CTNNA3: variants seen among roughly 807,000 people sequenced by gnomAD.
CTNNA3 encodes catenin alpha 3, also known as catenin alpha-3.
CTNNA3 carries 76 observed loss-of-function variants against 95.7 expected under a neutral mutation model. That is an observed-to-expected ratio of 0.79 (90% CI 0.66 to 0.96). CTNNA3 has a LOEUF of 0.96. Ranked by LOEUF, CTNNA3 falls within the 40% of genes least tolerant of loss-of-function variation. The probability of loss-of-function intolerance (pLI) is 0.00; values close to 1 mark genes in which losing one functional copy is unlikely to be tolerated. For synonymous variants in CTNNA3, 431 were observed against 374.4 expected, an observed-to-expected ratio of 1.15 and a Z score of -1.74; for missense variants, 1,191 against 1,089.8, an observed-to-expected ratio of 1.09 and a Z score of -1.31.
chr10:67,423,556 A>T (rs929143873), intron 5 of CTNNA3, among the ~76,000 whole-genome samples: 13 of 152,170 alleles, frequency 8.5e-5, no homozygotes, highest in Non-Finnish European at 1.5e-4. Flanking sequence ...ATTCAAAAAG[A>T]TAGACACTAA....
intron 7 of CTNNA3, among the ~76,000 whole-genome samples, chr10:67,002,607 C>T (rs1291264846): frequency 6.6e-6 from 1 of 152,254 alleles, no homozygotes; most frequent in Middle Eastern, 3.4e-3. Context: ...TAAATTATCT[C>T]AGAGCTGTGT....
intron 11 of CTNNA3, among the ~76,000 whole-genome samples, chr10:66,385,492 A>T (rs1053677477): frequency 6.6e-6 from 1 of 152,214 alleles, no homozygotes; most frequent in Non-Finnish European, 1.5e-5. Flanking sequence ...AAGGATTCAC[A>T]GCCAAATTCT....
chr10:66,413,524 CTT>C (rs1453145589), intron 11 of CTNNA3, among the ~76,000 whole-genome samples: 1 of 152,116 alleles, frequency 6.6e-6, no homozygotes, highest in Non-Finnish European at 1.5e-5. Context: ...AATTAGCTCT[CTT>C]AATATTTTGT....
rs73307038 is a variant in CTNNA3 at position 66,763,286 on chromosome 10, C to T, written c.1281+2978G>A. Among the ~76,000 whole-genome samples the T allele has an allele frequency of 8.5e-3, 1,270 of 148,850 alleles. 19 individuals carry two copies. Among genetic ancestry groups the T allele is most frequent in the African/African-American group, 0.03 (1,193 of 40,440 alleles). On this transcript the variant is annotated intron_variant, in intron 9 of 17. Coordinates refer to ENST00000433211, the MANE Select transcript of CTNNA3 (RefSeq NM_013266.4). ...ATTTTTCTGGGAGATAAATGCAGTA[C>T]TTTTTCTTCTTCATGAGATAAACAC...
intron 13 of CTNNA3, among the ~76,000 whole-genome samples, chr10:66,229,548 T>C (rs2089481785): frequency 6.6e-6 from 1 of 152,160 alleles, no homozygotes. Context: ...GAATATATCA[T>C]CCTATTCTCT....
At chr10:67,079,772 C>T (rs1856949189) in intron 7 of CTNNA3, among the ~76,000 whole-genome samples, 2 of 151,880 alleles carry the variant, frequency 1.3e-5, no homozygotes, top group East Asian at 1.9e-4. Context: ...CTCTTGAACC[C>T]GGGAGGCGGA....
Position 66,018,142 on chromosome 10 carries a change from GA to G in CTNNA3, c.2160-29346del, listed in dbSNP as rs2079129802. On this transcript the variant is annotated intron_variant, in intron 15 of 17. Transcript: ENST00000433211. ...AAAAGATATACATACCCATAGCCAT[GA>G]GGCGCAAGTGCATATCTAGTTCTAT... Among the ~76,000 whole-genome samples the G allele has an allele frequency of 4.0e-5, 6 of 148,952 alleles. No individual in the cohort carries two copies. The South Asian group carries it at 1.3e-3, about 32-fold the overall frequency.
chr10:66,115,816 C>T (rs1179442431), intron 13 of CTNNA3, among the ~76,000 whole-genome samples: 4 of 151,854 alleles, frequency 2.6e-5, no homozygotes, highest in African/African-American at 9.7e-5. Context: ...AGCAGGACGG[C>T]CAAAACTGAC....
At chr10:66,909,167 T>G (rs1478330691) in intron 7 of CTNNA3, among the ~76,000 whole-genome samples, 1 of 152,056 alleles carries the variant, frequency 6.6e-6, no homozygotes, top group Non-Finnish European at 1.5e-5. Flanking sequence ...TAAGGAATTG[T>G]CCCCAAATTG....
At chr10:66,863,180 T>TACACACACACAC (rs71035194) in intron 7 of CTNNA3, among the ~76,000 whole-genome samples, 20 of 147,884 alleles carry the variant, frequency 1.4e-4, no homozygotes, top group Non-Finnish European at 2.5e-4. Context: ...GCCAATTCTT[T>TACACACACACAC]ACACACACAC....
At chr10:66,326,920 G>A (rs552964633) in intron 12 of CTNNA3, among the ~76,000 whole-genome samples, 2 of 152,214 alleles carry the variant, frequency 1.3e-5, no homozygotes, top group Admixed American at 1.3e-4. Context: ...AGTAGGCAGA[G>A]AGCTTTTCAG....
chr10:67,602,412 A>T (rs1404787842), intron 3 of CTNNA3, among the ~76,000 whole-genome samples: 1 of 152,208 alleles, frequency 6.6e-6, no homozygotes, highest in Non-Finnish European at 1.5e-5. Flanking sequence ...GTGCCATTGC[A>T]TTGCTTTCCT....
intron 7 of CTNNA3, chr10:66,928,266 G>A (rs1386489201): frequency 6.2e-7 from 1 of 1,614,162 alleles, no homozygotes; most frequent in East Asian, 2.2e-5. Context: ...CGAGCATGAA[G>A]CAGCTGCAGC....
intron 13 of CTNNA3, among the ~76,000 whole-genome samples, chr10:66,178,401 A>ATG (rs1175814973): frequency 6.8e-3 from 80 of 11,748 alleles, no homozygotes; most frequent in Middle Eastern, 0.071. Context: ...TTGAAAGTGT[A>ATG]TATATATATA....
chr10:66,285,292 G>C (rs2091565692), intron 12 of CTNNA3, among the ~76,000 whole-genome samples: 1 of 151,990 alleles, frequency 6.6e-6, no homozygotes, highest in East Asian at 1.9e-4. Flanking sequence ...CCCTCTGGCA[G>C]AGTAGGTTTT....
At chr10:66,585,298 C>T (rs1020896179) in intron 10 of CTNNA3, among the ~76,000 whole-genome samples, 7 of 151,868 alleles carry the variant, frequency 4.6e-5, no homozygotes, top group African/African-American at 7.3e-5. Context: ...ATTTTTGCTA[C>T]GTTTTTCTCC....
chr10:67,581,539 T>A (rs10762175), intron 3 of CTNNA3, among the ~76,000 whole-genome samples: 1 of 151,894 alleles, frequency 6.6e-6, no homozygotes, highest in East Asian at 1.9e-4. Context: ...TTGTGTCTCT[T>A]CCAGGCTTTG....
chr10:66,647,878 A>C (rs1437852965), intron 9 of CTNNA3, among the ~76,000 whole-genome samples: 2 of 152,106 alleles, frequency 1.3e-5, no homozygotes, highest in African/African-American at 2.4e-5. Context: ...ATATGCTATC[A>C]AAAAAGAAAT....
chr10:66,556,496 A>T (rs1842393954), intron 10 of CTNNA3, among the ~76,000 whole-genome samples: 1 of 152,014 alleles, frequency 6.6e-6, no homozygotes, highest in African/African-American at 2.4e-5. Context: ...AAATTATGAT[A>T]TATGTGTACA....
Sources: gnomAD v4.1 joint callset for allele counts (sites outside exome capture counted in the v4.1 genomes callset) on GRCh38, gnomAD v4.1.1 for gene constraint, MANE v1.5 for transcripts, NCBI Gene and HGNC (gene_info 2026-07-23, HGNC 2026-07-21) for gene names.